Variants in RBMS3 observed in about 807,000 individuals in gnomAD.
RBMS3 encodes the protein RNA binding motif single stranded interacting protein 3, also known as RNA-binding motif, single-stranded-interacting protein 3.
A neutral mutation model predicts 66.8 loss-of-function variants in RBMS3; 27 were observed. That is an observed-to-expected ratio of 0.40 (90% confidence interval 0.30 to 0.56). RBMS3 has a LOEUF of 0.56. RBMS3 is among the 20% of genes least tolerant of loss of function. The pLI is 0.40. For synonymous variants in RBMS3, 188 were observed against 183.0 expected, an observed-to-expected ratio of 1.03 and a Z score of -0.22; for missense variants, 513 against 549.5, an observed-to-expected ratio of 0.93 and a Z score of 0.66.
chr3:29,658,845 C>T (rs776167381), intron 4 of RBMS3, among the ~76,000 whole-genome samples: 6 of 152,178 alleles, frequency 3.9e-5, no homozygotes, highest in East Asian at 1.9e-4. Context: ...TTGTTTGAGA[C>T]GGAGTCTCGC....
chr3:29,542,260 G>T (rs1164393741), intron 3 of RBMS3, among the ~76,000 whole-genome samples: 1 of 152,106 alleles, frequency 6.6e-6, no homozygotes, highest in Non-Finnish European at 1.5e-5. Flanking sequence ...AATGTAGAAA[G>T]TGATGTCTTT....
At chr3:29,757,912 T>C (rs148056167) in intron 5 of RBMS3, among the ~76,000 whole-genome samples, 85 of 152,304 alleles carry the variant, frequency 5.6e-4, no homozygotes, top group Non-Finnish European at 7.8e-4. Flanking sequence ...CCAATCCAGT[T>C]ACTATATTGT....
intron 4 of RBMS3, among the ~76,000 whole-genome samples, chr3:29,655,192 G>A (rs1474450027): frequency 6.6e-6 from 1 of 152,110 alleles, no homozygotes; most frequent in Non-Finnish European, 1.5e-5. Context: ...CTTCTCCCTG[G>A]GTGGAAGAAC....
chr3:29,702,748 G>A (rs950178537), intron 4 of RBMS3, among the ~76,000 whole-genome samples: 5 of 152,190 alleles, frequency 3.3e-5, no homozygotes, highest in Non-Finnish European at 7.3e-5. Flanking sequence ...AAGGTCTGCA[G>A]TTTTACTCCT....
chr3:29,282,238 G>T (rs935134937), intron 1 of RBMS3, among the ~76,000 whole-genome samples: 10 of 152,082 alleles, frequency 6.6e-5, no homozygotes, highest in African/African-American at 2.4e-4. Context: ...AAAGAAGGGT[G>T]TGAGAAGGTA....
At chr3:29,976,879 T>C (rs1314628162) in intron 12 of RBMS3, among the ~76,000 whole-genome samples, 1 of 149,812 alleles carries the variant, frequency 6.7e-6, no homozygotes, top group East Asian at 1.9e-4. Flanking sequence ...GTAATACCGC[T>C]CCTCTCCTTC....
chr3:29,598,293 G>A (rs1256225424), intron 4 of RBMS3, among the ~76,000 whole-genome samples: 5 of 151,960 alleles, frequency 3.3e-5, no homozygotes, highest in Non-Finnish European at 5.9e-5. Flanking sequence ...TTAAAACTGT[G>A]TACCCAGCTT....
chr3:29,505,280 T>A (rs897534660), intron 3 of RBMS3, among the ~76,000 whole-genome samples: 1 of 151,956 alleles, frequency 6.6e-6, no homozygotes, highest in African/African-American at 2.4e-5. Context: ...CTTGTGGACA[T>A]CTAGCTGTCC....
intron 1 of RBMS3, among the ~76,000 whole-genome samples, chr3:29,376,289 T>C (rs546504503): frequency 6.6e-6 from 1 of 152,214 alleles, no homozygotes; most frequent in African/African-American, 2.4e-5. Flanking sequence ...AGCAAACCAC[T>C]CTGGAGCACG....
intron 10 of RBMS3, among the ~76,000 whole-genome samples, chr3:29,914,654 G>T (rs1350819843): frequency 2.0e-5 from 3 of 151,834 alleles, no homozygotes; most frequent in Admixed American, 1.3e-4. Flanking sequence ...ATTATGTATT[G>T]TATTACATAT....
chr3:29,659,374 C>A (rs1009252929), intron 4 of RBMS3, among the ~76,000 whole-genome samples: 4 of 152,056 alleles, frequency 2.6e-5, no homozygotes, highest in East Asian at 3.9e-4. Flanking sequence ...ACCCATTGAA[C>A]AATAATTCCC....
At chr3:29,943,873 C>T (rs1484700619) in intron 11 of RBMS3, among the ~76,000 whole-genome samples, 2 of 151,650 alleles carry the variant, frequency 1.3e-5, no homozygotes, top group African/African-American at 4.8e-5. Flanking sequence ...AATGGGCTGC[C>T]TTGTAGAACT....
intron 6 of RBMS3, among the ~76,000 whole-genome samples, chr3:29,783,369 G>A (rs145538775): frequency 0.012 from 1,824 of 152,210 alleles, 25 homozygotes; most frequent in African/African-American, 0.04. Context: ...AATCCTACCC[G>A]CTAGAAGGGA....
intron 4 of RBMS3, among the ~76,000 whole-genome samples, chr3:29,723,717 C>T (rs2053742265): frequency 6.6e-6 from 1 of 152,072 alleles, no homozygotes; most frequent in Non-Finnish European, 1.5e-5. Flanking sequence ...GCTGAAAGAG[C>T]AGAAGTCACC....
intron 6 of RBMS3, among the ~76,000 whole-genome samples, chr3:29,847,986 G>T (rs79033633): frequency 0.018 from 2,735 of 152,208 alleles, 44 homozygotes; most frequent in Non-Finnish European, 0.03. Context: ...AAGGGGATGT[G>T]GTCTTTCCCC....
intron 7 of RBMS3, among the ~76,000 whole-genome samples, chr3:29,873,236 T>C (rs1173829179): frequency 2.0e-5 from 3 of 152,186 alleles, no homozygotes; most frequent in South Asian, 2.1e-4. Flanking sequence ...GATATTTTTC[T>C]ATCTGTTTGT....
chr3:29,580,593 T>C (rs2047292082), intron 3 of RBMS3, among the ~76,000 whole-genome samples: 1 of 151,794 alleles, frequency 6.6e-6, no homozygotes, highest in Admixed American at 6.6e-5. Flanking sequence ...AAACTCTTTG[T>C]CAAGAAAAGC....
At chr3:29,407,498 C>T (rs1437911457) in intron 1 of RBMS3, among the ~76,000 whole-genome samples, 1 of 152,162 alleles carries the variant, frequency 6.6e-6, no homozygotes, top group African/African-American at 2.4e-5. Context: ...TTAGTCAAGG[C>T]AGCTACATTA....
At chr3:29,830,382 G>A (rs371543249) in intron 6 of RBMS3, among the ~76,000 whole-genome samples, 4 of 152,086 alleles carry the variant, frequency 2.6e-5, no homozygotes, top group Non-Finnish European at 4.4e-5. Context: ...ACAGAATACC[G>A]TCTTCAACTC....
Sources: gnomAD v4.1 joint callset for allele counts (sites outside exome capture counted in the v4.1 genomes callset) on GRCh38, gnomAD v4.1.1 for gene constraint, MANE v1.5 for transcripts, NCBI Gene and HGNC (gene_info 2026-07-23, HGNC 2026-07-21) for gene names.